ZNRF1: variants seen among roughly 807,000 people sequenced by gnomAD.
The protein encoded by ZNRF1 is E3 ubiquitin-protein ligase ZNRF1.
Under a neutral mutation model 18.4 loss-of-function variants are expected in ZNRF1, and 3 were observed. The observed-to-expected ratio is 0.16, with a 90% confidence interval of 0.07 to 0.42. The LOEUF (loss-of-function observed/expected upper bound fraction) is 0.42, where lower values mean the gene tolerates loss of function less well. ZNRF1 is among the 10% of genes least tolerant of loss of function. The pLI, the probability that ZNRF1 is intolerant of heterozygous loss-of-function variation, is 0.99. For synonymous variants in ZNRF1, 157 were observed against 144.2 expected (o/e 1.09, Z -0.64); for missense variants, 310 against 329.8 (o/e 0.94, Z 0.47).
intron 1 of ZNRF1, among the ~76,000 whole-genome samples, chr16:75,060,767 C>T (rs9936408): frequency 0.29 from 43,859 of 151,954 alleles, 7,759 homozygotes; most frequent in East Asian, 0.63. Context: ...CGTGAGCCAC[C>T]GCGCCCGGCC....
chr16:75,040,042 C>CTTTTTTTTTTTTTTTTTT (rs57122648), intron 1 of ZNRF1, among the ~76,000 whole-genome samples: 11 of 78,854 alleles, frequency 1.4e-4, no homozygotes, highest in African/African-American at 5.5e-4. Flanking sequence ...TCTTTTCTTT[C>CTTTTTTTTTTTTTTTTTT]TTTTTTTTTT....
At chr16:75,099,286 G>T (rs919395002) in intron 2 of ZNRF1, among the ~76,000 whole-genome samples, 6 of 152,124 alleles carry the variant, frequency 3.9e-5, no homozygotes, top group Non-Finnish European at 1.5e-5. Flanking sequence ...GAGAATTAAG[G>T]CTCTTTTGCT....
rs1328688335 is a variant in ZNRF1, at chr16:74,999,580, C to T, written c.-92C>T. The T allele has an allele frequency of 2.1e-6, 2 of 961,698 alleles. No homozygotes were observed. The highest frequency in any genetic ancestry group is 2.7e-6 in the Non-Finnish European group (2 of 727,628). 59.6% of individuals were successfully genotyped at this position (961,698 alleles called of 1,614,324 possible). ...CCGGGTCTCCTTTTTGACTCCCTCC[C>T]CCTTTATGCTCGCCCAGCCCTCCCC... On this transcript the variant is annotated 5_prime_UTR_variant, in exon 1 of 5. Coordinates refer to ENST00000335325, the MANE Select transcript of ZNRF1 (RefSeq NM_032268.5).
At chr16:75,064,124 C>T (rs1432592274) in intron 1 of ZNRF1, among the ~76,000 whole-genome samples, 1 of 151,784 alleles carries the variant, frequency 6.6e-6, no homozygotes, top group East Asian at 1.9e-4. Flanking sequence ...CATGGTGAAA[C>T]CCCATCTCTA....
intron 1 of ZNRF1, among the ~76,000 whole-genome samples, chr16:75,078,380 C>G (rs867824634): frequency 8.1e-5 from 12 of 147,526 alleles, no homozygotes; most frequent in Middle Eastern, 7.1e-3. Flanking sequence ...CTTACTGCAA[C>G]CTCCGCCCCC....
chr16:75,085,489 A>C (rs1177501629), intron 1 of ZNRF1, among the ~76,000 whole-genome samples: 1 of 152,194 alleles, frequency 6.6e-6, no homozygotes, highest in East Asian at 1.9e-4. Flanking sequence ...GCTGTGATGA[A>C]CATTCTTGTA....
chr16:75,013,813 T>A (rs2035030796), intron 1 of ZNRF1, among the ~76,000 whole-genome samples: 1 of 152,106 alleles, frequency 6.6e-6, no homozygotes, highest in Admixed American at 6.6e-5. Context: ...AATTATTTAT[T>A]TATTTATTTT....
chr16:75,077,775 C>T (rs2035959740), intron 1 of ZNRF1, among the ~76,000 whole-genome samples: 1 of 152,178 alleles, frequency 6.6e-6, no homozygotes, highest in South Asian at 2.1e-4. Context: ...TCTTTCCCAG[C>T]TCCTGGAGGC....
At position 74,999,403 on chromosome 16, in the gene ZNRF1, GC is replaced by G. The variant is rs1244568862; in HGVS notation, c.-267del. ...GCGGCCTGTGGCGCGCGGAGCCCGC[GC>G]CGGACTGCGCCTCTTTGGACCTTGA... On this transcript the variant is annotated 5_prime_UTR_variant, in exon 1 of 5. Transcript: ENST00000335325. The G allele has an allele frequency of 1.0e-5, 3 of 298,030 alleles. No homozygotes were observed. The highest frequency in any genetic ancestry group is 1.2e-5 in the Non-Finnish European group (2 of 162,156). The allele number at this position is 298,030 out of a possible 1,614,324, so 18.5% of individuals were successfully genotyped here.
intron 1 of ZNRF1, among the ~76,000 whole-genome samples, chr16:75,016,308 G>A (rs968529284): frequency 5.7e-5 from 8 of 141,330 alleles, no homozygotes; most frequent in Admixed American, 1.4e-4. Context: ...GCGTTATCTC[G>A]GCTCACTGCA....
At chr16:75,091,861 A>G (rs532074229) in intron 1 of ZNRF1, among the ~76,000 whole-genome samples, 1 of 152,236 alleles carries the variant, frequency 6.6e-6, no homozygotes, top group East Asian at 1.9e-4. Flanking sequence ...TGACTCCCCC[A>G]CAACTTAACT....
chr16:75,022,521 G>A (rs2035165689), intron 1 of ZNRF1, among the ~76,000 whole-genome samples: 3 of 142,786 alleles, frequency 2.1e-5, no homozygotes, highest in Non-Finnish European at 3.1e-5. Flanking sequence ...AGCCGAGATT[G>A]TGCCACTGCA....
chr16:75,041,572 C>T (rs952369828), intron 1 of ZNRF1, among the ~76,000 whole-genome samples: 9 of 150,658 alleles, frequency 6.0e-5, no homozygotes, highest in East Asian at 2.0e-4. Flanking sequence ...CCAAGTGATA[C>T]GCCCGCCTCA....
At chr16:75,029,371 A>G (rs190493107) in intron 1 of ZNRF1, among the ~76,000 whole-genome samples, 70 of 152,078 alleles carry the variant, frequency 4.6e-4, no homozygotes, top group Middle Eastern at 3.4e-3. Context: ...GATAGTCTCG[A>G]TCTCCTGACC....
chr16:75,093,702 C>A, intron 2 of ZNRF1, 35 bp downstream of exon 2: 1 of 1,573,454 alleles, frequency 6.4e-7, no homozygotes, highest in Non-Finnish European at 8.7e-7. Flanking sequence ...GCCTCCAGAG[C>A]ATCCGTCGGG....
chr16:75,097,476 G>C (rs2036212661), intron 2 of ZNRF1, among the ~76,000 whole-genome samples: 1 of 152,078 alleles, frequency 6.6e-6, no homozygotes, highest in African/African-American at 2.4e-5. Flanking sequence ...TCTGCCAAAG[G>C]CCATTGCCCC....
chr16:75,027,317 T>C (rs968716379), intron 1 of ZNRF1, among the ~76,000 whole-genome samples: 1 of 152,088 alleles, frequency 6.6e-6, no homozygotes, highest in African/African-American at 2.4e-5. Flanking sequence ...ATAAATGGTA[T>C]CTCATGTTGT....
intron 1 of ZNRF1, among the ~76,000 whole-genome samples, chr16:75,006,259 G>T (rs1169419295): frequency 1.3e-5 from 2 of 152,148 alleles, no homozygotes; most frequent in African/African-American, 2.4e-5. Flanking sequence ...AATTTTGACA[G>T]CTTCAAAATT....
Position 75,000,077 on chromosome 16 carries a change from T to G in ZNRF1, c.406T>G (p.Trp136Gly). The G allele has an allele frequency of 6.2e-7, 1 of 1,601,624 alleles. No homozygotes were observed. Reference protein sequence around the residue: ...DALPLHIAPRWFSSHSGFKCP... With the variant: ...DALPLHIAPRGFSSHSGFKCP... ...TCTACCTCTGCACATCGCACCCAGG[T>G]GGTTCAGCTCGCATAGTGGTGAGTC... The change falls in exon 1 of 5, where the codon TGG becomes GGG. Residue 136 changes from tryptophan to glycine, a missense_variant. This residue lies in a region of ZNRF1 where 293 missense variants were observed against 291.2 expected (regional missense o/e 1.01). Transcript: ENST00000335325.
Sources: allele counts gnomAD v4.1 joint callset (sites outside exome capture counted in the v4.1 genomes callset), GRCh38; gene constraint gnomAD v4.1.1; regional missense constraint gnomAD v4.1.1; transcripts MANE v1.5; gene names NCBI Gene and HGNC (gene_info 2026-07-23, HGNC 2026-07-21).